Variants in PRKCA observed in about 807,000 individuals in gnomAD.
PRKCA encodes protein kinase C alpha type.
Under a neutral mutation model 87.0 loss-of-function variants are expected in PRKCA, and 27 were observed. The observed-to-expected ratio is 0.31, with a 90% CI of 0.23 to 0.43. The LOEUF is 0.43. Among genes scored for constraint, PRKCA ranks in the 20% least tolerant of loss-of-function variants. The probability of loss-of-function intolerance (pLI) is 1.00; values close to 1 mark genes in which losing one functional copy is unlikely to be tolerated. For synonymous variants in PRKCA, 329 were observed against 311.1 expected (o/e 1.06, Z -0.61); for missense variants, 518 against 852.3 (o/e 0.61, Z 4.88).
intron 2 of PRKCA, among the ~76,000 whole-genome samples, chr17:66,469,580 G>A (rs1408196854): frequency 2.6e-5 from 4 of 152,126 alleles, no homozygotes; most frequent in Admixed American, 6.5e-5. Context: ...AATTAATTTT[G>A]TAGATTGGGA....
chr17:66,775,948 G>T (rs149889256), intron 14 of PRKCA, among the ~76,000 whole-genome samples: 20 of 152,366 alleles, frequency 1.3e-4, no homozygotes, highest in Non-Finnish European at 2.5e-4. Flanking sequence ...GATAGTGTTG[G>T]GGGAGGTTGA....
chr17:66,481,372 T>C (rs1330520860), intron 2 of PRKCA, among the ~76,000 whole-genome samples: 1 of 152,196 alleles, frequency 6.6e-6, no homozygotes, highest in Admixed American at 6.5e-5. Context: ...ACTGTGTGTC[T>C]ACATTCCTGC....
intron 3 of PRKCA, among the ~76,000 whole-genome samples, chr17:66,578,495 A>G (rs1236533300): frequency 6.6e-6 from 1 of 152,220 alleles, no homozygotes; most frequent in Non-Finnish European, 1.5e-5. Context: ...TGGTCTCAGC[A>G]AGCCTTAAAA....
chr17:66,347,941 C>CTTTTTTTTTTTTTTTTTTTGTT (rs1907500628), intron 2 of PRKCA, among the ~76,000 whole-genome samples: 1 of 56,440 alleles, frequency 1.8e-5, no homozygotes, highest in Non-Finnish European at 3.3e-5. Context: ...AATTCTGAAC[C>CTTTTTTTTTTTTTTTTTTTGTT]TTTTTTTTTT....
intron 16 of PRKCA, among the ~76,000 whole-genome samples, chr17:66,802,324 C>T (rs1007174925): frequency 3.3e-5 from 5 of 152,106 alleles, no homozygotes; most frequent in African/African-American, 1.2e-4. Flanking sequence ...TACTTAGGAG[C>T]AGGTTTTATT....
intron 2 of PRKCA, among the ~76,000 whole-genome samples, chr17:66,417,502 C>T (rs1231693395): frequency 6.6e-6 from 1 of 152,010 alleles, no homozygotes; most frequent in Non-Finnish European, 1.5e-5. Flanking sequence ...GCCATTTCTG[C>T]TTGTAGAGAC....
At chr17:66,676,211 T>C (rs1972324595) in intron 5 of PRKCA, among the ~76,000 whole-genome samples, 1 of 152,168 alleles carries the variant, frequency 6.6e-6, no homozygotes, top group Admixed American at 6.5e-5. Context: ...AACAGCGTGT[T>C]CTTCCCAGTA....
At position 66,694,968 on chromosome 17, in the gene PRKCA, T is replaced by C. The variant is rs149248219; in HGVS notation, c.918+5921T>C. Among the ~76,000 whole-genome samples, 3 of 152,230 alleles carry C rather than the reference T, an allele frequency of 2.0e-5. No homozygotes were observed. The East Asian group carries it at 5.8e-4, about 29-fold the overall frequency. On this transcript the variant is annotated intron_variant, in intron 8 of 16. Transcript: ENST00000413366. ...ACATCTACCTTCAGAGCCTTGGAGT[T>C]GTCCTAGAATCAAGAAAATGGGCTG... is the stretch of plus-strand genomic sequence containing the variant.
At chr17:66,522,330 T>C (rs529184251) in intron 3 of PRKCA, among the ~76,000 whole-genome samples, 4 of 152,334 alleles carry the variant, frequency 2.6e-5, no homozygotes, top group Admixed American at 2.6e-4. Flanking sequence ...GCAGTTTCTA[T>C]GTTTATTTCC....
chr17:66,655,919 C>T (rs1474821933), intron 5 of PRKCA, among the ~76,000 whole-genome samples: 1 of 152,206 alleles, frequency 6.6e-6, no homozygotes. Flanking sequence ...GTTGCATCTT[C>T]TCAGAGACAC....
intron 3 of PRKCA, among the ~76,000 whole-genome samples, chr17:66,575,579 A>T (rs565556816): frequency 6.6e-6 from 1 of 152,138 alleles, no homozygotes; most frequent in African/African-American, 2.4e-5. Context: ...AAACTGTCTT[A>T]AAAAAATAAA....
At chr17:66,422,832 C>T (rs561842812) in intron 2 of PRKCA, among the ~76,000 whole-genome samples, 2 of 152,216 alleles carry the variant, frequency 1.3e-5, no homozygotes, top group East Asian at 3.9e-4. Flanking sequence ...TATTGCAGGC[C>T]GGGCATGGTG....
chr17:66,457,446 T>C lies in PRKCA; in HGVS notation c.206-38755T>C, dbSNP rs145962385. Reference sequence around the variant, plus strand: ...ATAATGGTGCCACCTCAGAGGGCTGTTGAAGATGTGAGATGCATATAGAAC... The same window carrying C: ...ATAATGGTGCCACCTCAGAGGGCTGCTGAAGATGTGAGATGCATATAGAAC... On this transcript the variant is annotated intron_variant, in intron 2 of 16. Coordinates refer to ENST00000413366, the MANE Select transcript of PRKCA (RefSeq NM_002737.3). Among the ~76,000 whole-genome samples the C allele has an allele frequency of 5.3e-5, 8 of 152,214 alleles. No individual in the cohort carries two copies. The East Asian group carries it at 1.5e-3, about 29-fold the overall frequency.
intron 5 of PRKCA, among the ~76,000 whole-genome samples, chr17:66,683,482 G>A (rs1972543535): frequency 6.6e-6 from 1 of 152,194 alleles, no homozygotes; most frequent in African/African-American, 2.4e-5. Flanking sequence ...CTCTGAAGGT[G>A]GGGCCCAGGG....
intron 2 of PRKCA, among the ~76,000 whole-genome samples, chr17:66,430,256 G>T (rs1462917575): frequency 6.6e-6 from 1 of 151,948 alleles, no homozygotes; most frequent in Non-Finnish European, 1.5e-5. Context: ...CTAGGCTCTG[G>T]GGGGCAACAC....
chr17:66,483,720 A>G (rs1313853485), intron 2 of PRKCA, among the ~76,000 whole-genome samples: 2 of 152,128 alleles, frequency 1.3e-5, no homozygotes, highest in East Asian at 1.9e-4. Context: ...CTTGGCCTCC[A>G]AAGTGCTGGG....
At chr17:66,657,489 G>A (rs1167087498) in intron 5 of PRKCA, among the ~76,000 whole-genome samples, 2 of 152,136 alleles carry the variant, frequency 1.3e-5, no homozygotes, top group Non-Finnish European at 2.9e-5. Flanking sequence ...ACCCAGCAGG[G>A]ACATGGCTCT....
At chr17:66,701,735 G>A (rs1973069885) in intron 8 of PRKCA, among the ~76,000 whole-genome samples, 1 of 152,088 alleles carries the variant, frequency 6.6e-6, no homozygotes, top group South Asian at 2.1e-4. Context: ...GCTTATCAGG[G>A]AAATTTAAGT....
intron 3 of PRKCA, among the ~76,000 whole-genome samples, chr17:66,499,480 A>G (rs1416074659): frequency 2.0e-5 from 3 of 152,216 alleles, no homozygotes; most frequent in Non-Finnish European, 2.9e-5. Context: ...TACATGGGAA[A>G]GTCTTTGTTT....
Sources: allele counts gnomAD v4.1 joint callset (sites outside exome capture counted in the v4.1 genomes callset), GRCh38; gene constraint gnomAD v4.1.1; transcripts MANE v1.5; gene names NCBI Gene and HGNC (gene_info 2026-07-23, HGNC 2026-07-21).